MAST4: variants seen among roughly 807,000 people sequenced by gnomAD.
The protein encoded by MAST4 is microtubule associated serine/threonine kinase family member 4, also known as microtubule-associated serine/threonine-protein kinase 4.
MAST4 carries 89 observed loss-of-function variants against 162.7 expected under a neutral mutation model. That is an observed-to-expected ratio of 0.55 (90% CI 0.46 to 0.65). The LOEUF is 0.65. Among genes scored for constraint, MAST4 ranks in the 30% least tolerant of loss-of-function variants. MAST4 has a pLI of 0.00. For synonymous variants in MAST4, 1,479 were observed against 1,361.1 expected, an observed-to-expected ratio of 1.09 and a Z score of -1.91; for missense variants, 3,153 against 3,374.0, an observed-to-expected ratio of 0.93 and a Z score of 1.62.
chr5:66,975,844 A>G (rs932534327), intron 4 of MAST4, among the ~76,000 whole-genome samples: 4 of 152,032 alleles, frequency 2.6e-5, no homozygotes, highest in African/African-American at 9.7e-5. Flanking sequence ...AAAATACAAA[A>G]ATTAGCTGGG....
At chr5:66,869,502 A>G (rs1380413052) in intron 3 of MAST4, among the ~76,000 whole-genome samples, 2 of 152,174 alleles carry the variant, frequency 1.3e-5, no homozygotes, top group African/African-American at 4.8e-5. Context: ...GAAAGAATGC[A>G]TGTTGGCAGG....
chr5:66,690,177 C>G (rs1748948089), intron 1 of MAST4, among the ~76,000 whole-genome samples: 1 of 152,130 alleles, frequency 6.6e-6, no homozygotes, highest in South Asian at 2.1e-4. Flanking sequence ...TTTTGTCATT[C>G]ATCAAATAAG....
chr5:66,861,632 C>T (rs1329148830), intron 3 of MAST4, among the ~76,000 whole-genome samples: 1 of 152,214 alleles, frequency 6.6e-6, no homozygotes. Context: ...GTTTTACATT[C>T]TCCTGGTAAA....
At chr5:66,973,353 T>G (rs983945576) in intron 4 of MAST4, among the ~76,000 whole-genome samples, 1 of 152,202 alleles carries the variant, frequency 6.6e-6, no homozygotes, top group South Asian at 2.1e-4. Flanking sequence ...GTTGTATCTC[T>G]TTCTTTAGTC....
At chr5:66,672,238 C>T (rs535644613) in intron 1 of MAST4, among the ~76,000 whole-genome samples, 4 of 152,310 alleles carry the variant, frequency 2.6e-5, no homozygotes, top group Admixed American at 6.5e-5. Context: ...TAACCTTCCT[C>T]GCCCCGAAGA....
At position 67,163,182 on chromosome 5, in the gene MAST4, A is replaced by G. The variant is rs1773421557; in HGVS notation, c.4003A>G (p.Ser1335Gly). ...NSSQSSSPSS[S>G]APNSPAGSGH... is the part of the protein sequence containing the mutation. ...CTCCCAGAGCAGCTCCCCTAGTTCT[A>G]GTGCCCCCAATTCCCCAGCAGGGTC... Residue 1335 changes from serine (S) to glycine (G), a missense_variant, in exon 29 of 29, where the codon AGT (serine) becomes GGT (glycine). Physicochemically the swap from Ser to Gly is moderately conservative, Grantham distance 56. Coordinates refer to ENST00000403625, the MANE Select transcript of MAST4 (RefSeq NM_001164664.2). This position sits in a 1 kb window ranked among gnomAD's most constrained non-coding sequence, Gnocchi z 7.0. 6.2e-7 allele frequency: 1 copy of G among 1,611,034 alleles called. No individual in the cohort carries two copies. Among genetic ancestry groups the G allele is most frequent in the African/African-American group, 1.3e-5 (1 of 74,882 alleles).
chr5:66,667,593 G>A (rs16895434), intron 1 of MAST4, among the ~76,000 whole-genome samples: 28,034 of 152,124 alleles, frequency 0.18, 2,930 homozygotes, highest in South Asian at 0.31. Context: ...ATAGTTGGTC[G>A]CCAATTCTCA....
At chr5:66,850,355 T>C (rs1298635747) in intron 3 of MAST4, among the ~76,000 whole-genome samples, 1 of 152,252 alleles carries the variant, frequency 6.6e-6, no homozygotes, top group Non-Finnish European at 1.5e-5. Flanking sequence ...AAGGTGTTTT[T>C]GTTCATAGTT....
chr5:67,075,076 T>C lies in MAST4; in HGVS notation c.764-15086T>C, dbSNP rs73768186. On this transcript the variant is annotated intron_variant, in intron 5 of 28. Transcript: ENST00000403625. Reference sequence around the variant, plus strand: ...CAGCCCCATGGTAGTGCTGGGCATATGCTACTATCTTTTACCTAACATCCA... The same window carrying C: ...CAGCCCCATGGTAGTGCTGGGCATACGCTACTATCTTTTACCTAACATCCA... Among the ~76,000 whole-genome samples, 662 of 152,210 alleles carry C rather than the reference T, an allele frequency of 4.3e-3. 12 individuals carry two copies. Among genetic ancestry groups the C allele is most frequent in the African/African-American group, 0.015 (634 of 41,528 alleles).
In MAST4 at chr5:66,646,294, A is replaced by G. The variant is rs377743682; in HGVS notation, c.363+49276A>G. ...TCATTTTTATTGTTTTTAGAGCCCA[A>G]CATTTATAAGGGATGCCACTGATGA... is the stretch of plus-strand genomic sequence containing the variant. On this transcript the variant is annotated intron_variant, in intron 1 of 28. Transcript: ENST00000403625. Among the ~76,000 whole-genome samples the G allele has an allele frequency of 5.6e-4, 85 of 152,174 alleles. 1 individual carries two copies. Among genetic ancestry groups the G allele is most frequent in the Non-Finnish European group, 1.0e-3 (68 of 68,014 alleles).
intron 1 of MAST4, among the ~76,000 whole-genome samples, chr5:66,706,770 G>A (rs1750158405): frequency 6.6e-6 from 1 of 152,032 alleles, no homozygotes; most frequent in Non-Finnish European, 1.5e-5. Flanking sequence ...TGATCCAAAG[G>A]TTTTGACTTC....
rs778748038 is a variant in MAST4 at position 67,165,770 on chromosome 5, C to T, written c.6591C>T (p.Gly2197=). ...GCAGCAGCCACAAGCCCCGGCCTGG[C>T]CCTGACCCGGGCCCTCCAAAGACTA... ...SESSSHKPRP[G]PDPGPPKTKH... Residue 2197 remains glycine (G), a synonymous_variant, in exon 29 of 29, where the codon GGC becomes GGT. Transcript: ENST00000403625. 3 of 1,601,198 alleles carry T rather than the reference C, an allele frequency of 1.9e-6. No homozygotes were observed. Among genetic ancestry groups the T allele is most frequent in the South Asian group, 1.1e-5 (1 of 89,624 alleles).
intron 13 of MAST4, among the ~76,000 whole-genome samples, chr5:67,119,602 G>C (rs1767335190): frequency 6.6e-6 from 1 of 152,160 alleles, no homozygotes; most frequent in Non-Finnish European, 1.5e-5. Flanking sequence ...TATGTAAAAC[G>C]GTTGGGACAG....
chr5:66,737,108 T>A (rs898568828), intron 1 of MAST4, among the ~76,000 whole-genome samples: 2 of 152,172 alleles, frequency 1.3e-5, no homozygotes, highest in Non-Finnish European at 2.9e-5. Context: ...TTTATCCCAG[T>A]TTTTTTGAGT....
chr5:67,061,265 G>A (rs1221596109), intron 5 of MAST4, among the ~76,000 whole-genome samples: 1 of 152,128 alleles, frequency 6.6e-6, no homozygotes, highest in African/African-American at 2.4e-5. Context: ...GAGTCCATCA[G>A]TACAAGCCAA....
At chr5:66,664,442 A>AAAAG (rs1238741082) in intron 1 of MAST4, among the ~76,000 whole-genome samples, 1 of 149,894 alleles carries the variant, frequency 6.7e-6, no homozygotes, top group Admixed American at 6.7e-5. Context: ...TTTCAAAAAA[A>AAAAG]AAAAAAAAAA....
intron 1 of MAST4, among the ~76,000 whole-genome samples, chr5:66,682,724 A>G (rs1011239497): frequency 6.6e-6 from 1 of 152,202 alleles, no homozygotes; most frequent in African/African-American, 2.4e-5. Flanking sequence ...AAATAACTGC[A>G]TAAGTAAGTG....
intron 3 of MAST4, among the ~76,000 whole-genome samples, chr5:66,878,834 T>C (rs1761480790): frequency 6.6e-6 from 1 of 152,188 alleles, no homozygotes. Context: ...TTTACAAGGA[T>C]TTTTTGTCTC....
intron 5 of MAST4, among the ~76,000 whole-genome samples, chr5:67,067,446 C>A (rs889846972): frequency 2.0e-5 from 3 of 152,130 alleles, no homozygotes; most frequent in African/African-American, 2.4e-5. Context: ...TTTTAAGAAA[C>A]TACCAGAGGA....
Sources: allele counts gnomAD v4.1 joint callset (sites outside exome capture counted in the v4.1 genomes callset), GRCh38; gene constraint gnomAD v4.1.1; non-coding constraint Gnocchi (gnomAD v3.1); transcripts MANE v1.5; gene names NCBI Gene and HGNC (gene_info 2026-07-23, HGNC 2026-07-21).